The following SLC4A10 variants were observed in gnomAD, a reference collection of about 807,000 sequenced individuals.
The protein encoded by SLC4A10 is solute carrier family 4 member 10.
Under a neutral mutation model 137.7 loss-of-function variants are expected in SLC4A10, and 42 were observed. The ratio of observed to expected loss-of-function variants is 0.30; its 90% CI spans 0.24 to 0.39. SLC4A10 has a LOEUF of 0.39. Ranked by LOEUF, SLC4A10 falls within the 10% of genes least tolerant of loss-of-function variation. The pLI is 1.00. For missense variants in SLC4A10, 925 were observed against 1,355.0 expected, an observed-to-expected ratio of 0.68 and a Z score of 4.98; for synonymous variants, 474 against 464.1, an observed-to-expected ratio of 1.02 and a Z score of -0.27.
intron 1 of SLC4A10, among the ~76,000 whole-genome samples, chr2:161,729,458 T>A (rs551836125): frequency 6.6e-6 from 1 of 152,282 alleles, no homozygotes; most frequent in African/African-American, 2.4e-5. Context: ...TTGATTGTGA[T>A]GGTGATTATA....
intron 19 of SLC4A10, among the ~76,000 whole-genome samples, chr2:161,953,956 G>A (rs966009506): frequency 1.3e-5 from 2 of 152,134 alleles, no homozygotes; most frequent in African/African-American, 4.8e-5. Context: ...GTTTTTTAAA[G>A]CACATTCTCT....
chr2:161,808,660 A>G (rs1214576011), intron 3 of SLC4A10, among the ~76,000 whole-genome samples: 1 of 152,200 alleles, frequency 6.6e-6, no homozygotes, highest in Non-Finnish European at 1.5e-5. Flanking sequence ...GAGTGAGAAC[A>G]TGCAGTATTT....
chr2:161,683,549 G>A (rs943625596), intron 1 of SLC4A10, among the ~76,000 whole-genome samples: 11 of 152,278 alleles, frequency 7.2e-5, no homozygotes, highest in Admixed American at 4.6e-4. Context: ...CCTTGAAGTT[G>A]CAGATGGCAT....
intron 1 of SLC4A10, among the ~76,000 whole-genome samples, chr2:161,641,223 A>G (rs1179101713): frequency 1.3e-5 from 2 of 151,958 alleles, no homozygotes; most frequent in Admixed American, 6.6e-5. Flanking sequence ...ACTTGTTTTT[A>G]TTTATTCTAT....
rs560979751 is a variant in SLC4A10, at chr2:161,764,089, A to G, written c.49-6884A>G. 1.3e-3 allele frequency among the ~76,000 whole-genome samples: 195 copies of G among 152,264 alleles called. 6 individuals carry two copies. In the South Asian group the frequency reaches 0.036, roughly 28 times the overall value. On this transcript the variant is annotated intron_variant, in intron 1 of 26. Transcript: ENST00000446997. ...CATTGCCAATAATTATAATAGTAAA[A>G]GAGTGGTGGCTATTCAAATGCCTCT...
At chr2:161,656,743 G>A (rs781303266) in intron 1 of SLC4A10, among the ~76,000 whole-genome samples, 11 of 152,044 alleles carry the variant, frequency 7.2e-5, no homozygotes, top group Non-Finnish European at 1.6e-4. Context: ...TTGAACTTAG[G>A]CCTGAGAATT....
intron 1 of SLC4A10, among the ~76,000 whole-genome samples, chr2:161,638,827 T>C (rs1340334896): frequency 1.3e-5 from 2 of 151,768 alleles, no homozygotes; most frequent in Non-Finnish European, 2.9e-5. Flanking sequence ...TTTAGAGATC[T>C]TTCATCTCTT....
intron 1 of SLC4A10, among the ~76,000 whole-genome samples, chr2:161,763,615 C>A (rs560214574): frequency 2.0e-5 from 3 of 152,134 alleles, no homozygotes; most frequent in African/African-American, 7.2e-5. Flanking sequence ...AGTCATAGGA[C>A]AAGAGCTCTG....
chr2:161,959,013 C>T (rs1317145657), intron 21 of SLC4A10, among the ~76,000 whole-genome samples: 1 of 152,046 alleles, frequency 6.6e-6, no homozygotes, highest in East Asian at 1.9e-4. Context: ...ATGGTATATT[C>T]ACTGAAAATT....
intron 19 of SLC4A10, among the ~76,000 whole-genome samples, chr2:161,954,652 C>G (rs1284172067): frequency 6.6e-6 from 1 of 152,102 alleles, no homozygotes; most frequent in Non-Finnish European, 1.5e-5. Context: ...GCAAGAACTG[C>G]TTTATTTATT....
chr2:161,721,514 C>A (rs1242576358), intron 1 of SLC4A10, among the ~76,000 whole-genome samples: 2 of 152,136 alleles, frequency 1.3e-5, no homozygotes, highest in Non-Finnish European at 2.9e-5. Context: ...ATATTGGCCC[C>A]CAGTCTCTGC....
chr2:161,653,128 T>C (rs1574120845), intron 1 of SLC4A10, among the ~76,000 whole-genome samples: 1 of 152,160 alleles, frequency 6.6e-6, no homozygotes, highest in Non-Finnish European at 1.5e-5. Flanking sequence ...TGTGTTAGTA[T>C]GCCGAGAATG....
chr2:161,977,770 T>C lies in SLC4A10; in HGVS notation c.*26+10T>C. On this transcript the variant is annotated intron_variant, in intron 26 of 26. Transcript: ENST00000446997. The stretch of plus-strand genomic sequence containing the variant: ...AGCTGATTCCCCAAAGGTAAGACCC[T>C]CTCCCTCAAATCTATTCCTTGGTTG... 4.4e-6 allele frequency: 7 copies of C among 1,579,024 alleles called. No homozygotes were observed. The highest frequency in any genetic ancestry group is 6.0e-6 in the Non-Finnish European group (7 of 1,167,100).
intron 1 of SLC4A10, among the ~76,000 whole-genome samples, chr2:161,684,027 A>C (rs967535626): frequency 6.6e-6 from 1 of 152,132 alleles, no homozygotes; most frequent in Non-Finnish European, 1.5e-5. Flanking sequence ...GTGTGTATTA[A>C]ACAATAACTC....
chr2:161,688,831 C>T (rs1262607624), intron 1 of SLC4A10, among the ~76,000 whole-genome samples: 3 of 151,996 alleles, frequency 2.0e-5, no homozygotes, highest in Non-Finnish European at 4.4e-5. Flanking sequence ...ACAAATGTTT[C>T]GGTCATTGAA....
intron 10 of SLC4A10, among the ~76,000 whole-genome samples, chr2:161,882,841 A>G (rs2061907544): frequency 6.6e-6 from 1 of 152,162 alleles, no homozygotes; most frequent in Admixed American, 6.6e-5. Context: ...ACCAAAATGC[A>G]TGCAACATCT....
intron 1 of SLC4A10, among the ~76,000 whole-genome samples, chr2:161,751,607 T>G (rs571730608): frequency 2.0e-4 from 30 of 151,942 alleles, no homozygotes; most frequent in African/African-American, 6.7e-4. Flanking sequence ...TTATTGAGTA[T>G]ATTTGTGGGA....
At chr2:161,654,393 T>C (rs2037227267) in intron 1 of SLC4A10, among the ~76,000 whole-genome samples, 1 of 152,358 alleles carries the variant, frequency 6.6e-6, no homozygotes, top group South Asian at 2.1e-4. Context: ...TTTGTTGTAG[T>C]TGCATTTGTA....
chr2:161,748,871 G>C lies in SLC4A10; in HGVS notation c.49-22102G>C, dbSNP rs544758322. 3.3e-5 allele frequency among the ~76,000 whole-genome samples: 5 copies of C among 152,180 alleles called. No homozygotes were observed. In the East Asian group the frequency reaches 9.7e-4, roughly 29 times the overall value. On this transcript the variant is annotated intron_variant, in intron 1 of 26. Transcript: ENST00000446997. Reference sequence around the variant, plus strand: ...TTGAATCTGTATATTGCTTTGGGTAGTATAGGCATTTTAAGAATATTAATG... The same window carrying C: ...TTGAATCTGTATATTGCTTTGGGTACTATAGGCATTTTAAGAATATTAATG...
Sources: gnomAD v4.1 joint callset for allele counts (sites outside exome capture counted in the v4.1 genomes callset) on GRCh38, gnomAD v4.1.1 for gene constraint, MANE v1.5 for transcripts, NCBI Gene and HGNC (gene_info 2026-07-23, HGNC 2026-07-21) for gene names.